Variants in TBCD observed in about 807,000 individuals in gnomAD.
TBCD encodes tubulin folding cofactor D, also known as tubulin-specific chaperone D.
In TBCD, 105 loss-of-function variants were observed where a neutral mutation model predicts 169.3. The ratio of observed to expected loss-of-function variants is 0.62; its 90% CI spans 0.53 to 0.73. TBCD has a LOEUF of 0.73. TBCD is among the 30% of genes least tolerant of loss of function. The pLI is 0.00. For missense variants in TBCD, 1,444 were observed against 1,600.1 expected, an observed-to-expected ratio of 0.90 and a Z score of 1.66; for synonymous variants, 700 against 643.9, an observed-to-expected ratio of 1.09 and a Z score of -1.32.
At chr17:82,888,886 TC>T (rs1166934597) in intron 15 of TBCD, among the ~76,000 whole-genome samples, 2 of 152,206 alleles carry the variant, frequency 1.3e-5, no homozygotes, top group Non-Finnish European at 2.9e-5. Context: ...CTCCCTGGCC[TC>T]GCCCCTTGCT....
At chr17:82,914,611 A>G (rs2060896411) in intron 23 of TBCD, among the ~76,000 whole-genome samples, 1 of 148,326 alleles carries the variant, frequency 6.7e-6, no homozygotes, top group African/African-American at 2.6e-5. Context: ...AAAGCTGCCC[A>G]TGCTGCCCAC....
chr17:82,795,664 G>A (rs1598540303), intron 7 of TBCD: 1 of 941,346 alleles, frequency 1.1e-6, no homozygotes, highest in Non-Finnish European at 1.3e-6. Context: ...ACAGCTGGTG[G>A]CATCAGTGAC....
chr17:82,917,037 T>C (rs1440108163), intron 23 of TBCD, among the ~76,000 whole-genome samples: 2 of 143,812 alleles, frequency 1.4e-5, no homozygotes, highest in African/African-American at 2.5e-5. Flanking sequence ...TTTTTTTTTT[T>C]TGAGTTGGAG....
chr17:82,854,387 G>T (rs1400166345), intron 13 of TBCD, among the ~76,000 whole-genome samples: 1 of 152,206 alleles, frequency 6.6e-6, no homozygotes, highest in African/African-American at 2.4e-5. Context: ...TCCACAAAGG[G>T]CGATGAAATG....
intron 14 of TBCD, among the ~76,000 whole-genome samples, chr17:82,883,907 C>T (rs1202676793): frequency 2.0e-5 from 3 of 152,140 alleles, no homozygotes; most frequent in Admixed American, 6.5e-5. Context: ...TGCACCGTCT[C>T]GTGGCTCTCG....
At chr17:82,850,194 T>C in intron 13 of TBCD, among the ~76,000 whole-genome samples, 1 of 131,236 alleles carries the variant, frequency 7.6e-6, no homozygotes. Flanking sequence ...TGTGCTGCTG[T>C]TGGCTGTGCT....
In TBCD at chr17:82,881,911, C is replaced by G. The variant is rs144859798; in HGVS notation, c.1476-2234C>G. ...TTTCTCTCTCTCTCTGTCTCTCCCC[C>G]CTCTCCCCTCCTCCCTTCCTCCCTC... On this transcript the variant is annotated intron_variant, in intron 14 of 38. Transcript: ENST00000355528. Among the ~76,000 whole-genome samples, 63 of 150,838 alleles carry G rather than the reference C, an allele frequency of 4.2e-4. 2 individuals are homozygous for G. In the East Asian group the frequency reaches 7.7e-3, roughly 19 times the overall value.
rs2048955961 is a variant in TBCD, at chr17:82,781,644, A to T, written c.694A>T (p.Ser232Cys). The T allele has an allele frequency of 6.2e-7, 1 of 1,613,686 alleles. No homozygotes were observed. The highest frequency in any genetic ancestry group is 8.5e-7 in the Non-Finnish European group (1 of 1,179,854). ...QSKMAEFLDW[S>C]LCNLARSSFQ... ...CAAGATGGCTGAGTTCCTGGACTGG[A>T]GCCTGTGCAATCTGGCCCGTTCCTC... The change falls in exon 7 of 39, where the codon AGC (serine) becomes TGC (cysteine). Residue 232 changes from serine (S) to cysteine (C), a missense_variant. Transcript: ENST00000355528.
intron 14 of TBCD, among the ~76,000 whole-genome samples, chr17:82,872,928 C>T (rs540048707): frequency 3.6e-4 from 50 of 139,600 alleles, no homozygotes; most frequent in Non-Finnish European, 6.3e-4. Flanking sequence ...TCGTGGCCGA[C>T]GGCTTCTGAG....
intron 34 of TBCD, 67 bp downstream of exon 34, chr17:82,932,802 G>A: frequency 6.7e-7 from 1 of 1,496,338 alleles, no homozygotes. Flanking sequence ...TAAAGAAAAA[G>A]TCATCAGACA....
intron 7 of TBCD, among the ~76,000 whole-genome samples, chr17:82,783,085 C>T (rs111837629): frequency 3.6e-4 from 52 of 142,824 alleles, no homozygotes; most frequent in African/African-American, 1.3e-3. Context: ...GGGAGGCTGT[C>T]AGCTGGGTGG....
chr17:82,937,675 G>A (rs771761584), intron 35 of TBCD: 53 of 613,020 alleles, frequency 8.6e-5, no homozygotes, highest in Non-Finnish European at 1.4e-4. Context: ...TGTGTGCCCT[G>A]GGGGTCGCTG....
chr17:82,757,697 G>C (rs2047477954), intron 2 of TBCD, among the ~76,000 whole-genome samples: 1 of 151,766 alleles, frequency 6.6e-6, no homozygotes, highest in African/African-American at 2.4e-5. Flanking sequence ...TTGTCCTTCT[G>C]TCCTAGAAAA....
At chr17:82,873,117 T>A (rs1456817340) in intron 14 of TBCD, among the ~76,000 whole-genome samples, 1 of 152,260 alleles carries the variant, frequency 6.6e-6, no homozygotes, top group Non-Finnish European at 1.5e-5. Context: ...AGACCCTGAA[T>A]GCAGACGTGT....
intron 1 of TBCD, among the ~76,000 whole-genome samples, chr17:82,754,744 G>A (rs556917356): frequency 6.6e-6 from 1 of 152,320 alleles, no homozygotes; most frequent in East Asian, 1.9e-4. Flanking sequence ...TTTTGCAAAG[G>A]CAGTTTTGCT....
intron 14 of TBCD, among the ~76,000 whole-genome samples, chr17:82,883,817 C>T (rs1009392775): frequency 1.2e-4 from 19 of 152,372 alleles, no homozygotes; most frequent in African/African-American, 3.6e-4. Context: ...CCACCTCCTG[C>T]GCCGCCCCAC....
At chr17:82,887,538 C>T (rs750538685) in intron 15 of TBCD, among the ~76,000 whole-genome samples, 8 of 152,110 alleles carry the variant, frequency 5.3e-5, no homozygotes, top group Non-Finnish European at 1.0e-4. Context: ...TCATGTATTA[C>T]GACATCAGGA....
intron 7 of TBCD, among the ~76,000 whole-genome samples, chr17:82,787,617 C>T (rs548712158): frequency 1.3e-5 from 2 of 152,180 alleles, no homozygotes; most frequent in Non-Finnish European, 2.9e-5. Context: ...ATGAAACTTG[C>T]AGGTGGATTC....
At chr17:82,836,336 G>C (rs918566770) in intron 13 of TBCD, among the ~76,000 whole-genome samples, 1 of 152,238 alleles carries the variant, frequency 6.6e-6, no homozygotes, top group Non-Finnish European at 1.5e-5. Context: ...TGATTGTATA[G>C]GATGTGTTAC....
Sources: gnomAD v4.1 joint callset for allele counts (sites outside exome capture counted in the v4.1 genomes callset) on GRCh38, gnomAD v4.1.1 for gene constraint, MANE v1.5 for transcripts, NCBI Gene and HGNC (gene_info 2026-07-23, HGNC 2026-07-21) for gene names.